TMEM132E: variants seen among roughly 807,000 people sequenced by gnomAD.
TMEM132E encodes the protein transmembrane protein 132E.
Under a neutral mutation model 78.5 loss-of-function variants are expected in TMEM132E, and 49 were observed. The observed-to-expected ratio is 0.62, with a 90% CI of 0.50 to 0.79. TMEM132E has a LOEUF of 0.79. Ranked by LOEUF, TMEM132E falls within the 30% of genes least tolerant of loss-of-function variation. The probability of loss-of-function intolerance (pLI) is 0.00; values close to 1 mark genes in which losing one functional copy is unlikely to be tolerated. For synonymous variants in TMEM132E, 715 were observed against 670.6 expected (o/e 1.07, Z -1.02); for missense variants, 1,403 against 1,470.9 (o/e 0.95, Z 0.75).
At chr17:34,623,787 C>T (rs867550599) in intron 1 of TMEM132E, among the ~76,000 whole-genome samples, 33 of 152,330 alleles carry the variant, frequency 2.2e-4, no homozygotes, top group Middle Eastern at 3.4e-3. Flanking sequence ...GCTTCCAAAG[C>T]AGGGTCCAAA....
chr17:34,612,973 G>C (rs1198387214), intron 1 of TMEM132E, among the ~76,000 whole-genome samples: 1 of 151,926 alleles, frequency 6.6e-6, no homozygotes, highest in Non-Finnish European at 1.5e-5. Flanking sequence ...AAATGTTAGG[G>C]GGACCCCATG....
In TMEM132E at chr17:34,637,859, C is replaced by A; in HGVS notation, c.2852C>A (p.Ser951Ter). 1 of 1,609,228 alleles carries A rather than the reference C, an allele frequency of 6.2e-7. No homozygotes were observed. Among genetic ancestry groups the A allele is most frequent in the Non-Finnish European group, 8.5e-7 (1 of 1,178,574 alleles). The change falls in exon 9 of 9, where the codon TCG becomes TAG. Residue 951 changes from serine (S) to a stop codon, truncating the protein, a stop_gained. Transcript: ENST00000631683. LOFTEE classifies it high-confidence loss of function. ...GQPLRVQGELSPPAGNPLETV... is the reference protein window; with the variant it reads ...GQPLRVQGEL ...CCGCTGCGGGTGCAAGGAGAGCTGT[C>A]GCCGCCAGCAGGCAACCCGCTGGAA...
chr17:34,634,803 G>A lies in TMEM132E; in HGVS notation c.1693G>A (p.Val565Ile). The part of the protein sequence containing the change: ...RVPILPDRRS[V>I]RESEDEDEEE... ...CATGGCATGTCCCCACCCCAGGTCA[G>A]TCCGGGAAAGCGAGGATGAGGATGA... is the stretch of plus-strand genomic sequence containing the variant. Residue 565 changes from valine to isoleucine, a missense_variant, in exon 7 of 9, where the codon GTC becomes ATC. Around this residue, in one of 3 missense-constraint regions of TMEM132E, gnomAD observed 888 missense variants for 952.8 expected, o/e 0.93. Coordinates refer to ENST00000631683, the MANE Select transcript of TMEM132E (RefSeq NM_001304438.2). 6.2e-7 allele frequency: 1 copy of A among 1,612,356 alleles called. No homozygotes were observed. Among genetic ancestry groups the A allele is most frequent in the Middle Eastern group, 1.7e-4 (1 of 6,050 alleles).
At chr17:34,613,209 A>ACGCGCGCGCG (rs1383529235) in intron 1 of TMEM132E, among the ~76,000 whole-genome samples, 195 of 63,596 alleles carry the variant, frequency 3.1e-3, no homozygotes, top group East Asian at 0.023. Context: ...ACACACACAC[A>ACGCGCGCGCG]CACGCGCGCG....
At chr17:34,598,904 C>T (rs1390726623) in intron 1 of TMEM132E, among the ~76,000 whole-genome samples, 1 of 151,988 alleles carries the variant, frequency 6.6e-6, no homozygotes, top group East Asian at 1.9e-4. Flanking sequence ...AGATGCTGAG[C>T]GATCCAGTCC....
chr17:34,623,947 A>G (rs1157703057), intron 1 of TMEM132E, among the ~76,000 whole-genome samples: 1 of 151,452 alleles, frequency 6.6e-6, no homozygotes, highest in Non-Finnish European at 1.5e-5. Context: ...GCACACCCCC[A>G]CCCCACCATC....
chr17:34,637,684 G>A lies in TMEM132E; in HGVS notation c.2677G>A (p.Ala893Thr), dbSNP rs1033771204. Residue 893 changes from alanine to threonine, a missense_variant, in exon 9 of 9, where the codon GCG becomes ACG. Physicochemically the swap from Ala to Thr is moderately conservative, Grantham distance 58. Coordinates refer to ENST00000631683, the MANE Select transcript of TMEM132E (RefSeq NM_001304438.2). ...GACAGACCTGGAGATCGGCATGTACGCGCTGCTGGGCGTCTTCTGCCTCGC... is the reference window on the plus strand; with the variant it reads ...GACAGACCTGGAGATCGGCATGTACACGCTGCTGGGCGTCTTCTGCCTCGC... ...GLTDLEIGMY[A>T]LLGVFCLAIL... is the part of the protein sequence containing the mutation. 1 of 1,611,036 alleles carries A rather than the reference G, an allele frequency of 6.2e-7. No homozygotes were observed. Among genetic ancestry groups the A allele is most frequent in the African/African-American group, 1.3e-5 (1 of 74,930 alleles).
At chr17:34,607,799 A>G (rs1030636957) in intron 1 of TMEM132E, among the ~76,000 whole-genome samples, 1 of 152,066 alleles carries the variant, frequency 6.6e-6, no homozygotes, top group African/African-American at 2.4e-5. Flanking sequence ...GGATACAATG[A>G]ATCATCAGAT....
intron 1 of TMEM132E, among the ~76,000 whole-genome samples, 194 bp downstream of exon 1, chr17:34,581,337 C>T (rs1035171917): frequency 6.0e-5 from 9 of 150,646 alleles, no homozygotes; most frequent in Admixed American, 2.0e-4. Context: ...GGGACCGAGC[C>T]CGGCGCCAGA....
At chr17:34,634,735 GGT>G in intron 6 of TMEM132E, 62 bp from the exon 7 acceptor site, 1 of 1,527,404 alleles carries the variant, frequency 6.5e-7, no homozygotes, top group Non-Finnish European at 8.8e-7. Flanking sequence ...AAGGGTGCGG[GGT>G]GTGTACTGTG....
chr17:34,581,675 C>CGCGG (rs1905488322), intron 1 of TMEM132E, among the ~76,000 whole-genome samples: 1 of 151,920 alleles, frequency 6.6e-6, no homozygotes, highest in South Asian at 2.1e-4. Flanking sequence ...CTCGCACGCC[C>CGCGG]GCGGTCCTGT....
At chr17:34,636,296 G>C (rs1907521069) in intron 8 of TMEM132E, 98 bp downstream of exon 8, 2 of 1,203,108 alleles carry the variant, frequency 1.7e-6, no homozygotes, top group Non-Finnish European at 2.2e-6. Context: ...CCCATATTAG[G>C]GCTTTAGGAA....
intron 8 of TMEM132E, 150 bp from the exon 9 acceptor site, chr17:34,637,027 C>G (rs576448357): frequency 5.7e-6 from 4 of 697,606 alleles, no homozygotes; most frequent in Non-Finnish European, 7.2e-6. Flanking sequence ...CCTGAATGCC[C>G]GCCACAGGTC....
intron 1 of TMEM132E, among the ~76,000 whole-genome samples, chr17:34,583,273 G>C (rs922433592): frequency 3.3e-5 from 5 of 152,220 alleles, no homozygotes; most frequent in Non-Finnish European, 7.3e-5. Context: ...CCTACTGAGC[G>C]GACATTTCCC....
At chr17:34,629,874 G>A in intron 4 of TMEM132E, 134 bp from the exon 5 acceptor site, 1 of 1,038,078 alleles carries the variant, frequency 9.6e-7, no homozygotes, top group South Asian at 1.8e-5. Flanking sequence ...CCTGCACACG[G>A]GTGCAAGTGT....
chr17:34,601,829 C>T (rs921257130), intron 1 of TMEM132E, among the ~76,000 whole-genome samples: 1 of 152,174 alleles, frequency 6.6e-6, no homozygotes, highest in Non-Finnish European at 1.5e-5. Context: ...ACCTTGTGAC[C>T]CCTCTCATTG....
At chr17:34,612,819 G>T (rs1906634458) in intron 1 of TMEM132E, among the ~76,000 whole-genome samples, 1 of 151,638 alleles carries the variant, frequency 6.6e-6, no homozygotes, top group South Asian at 2.1e-4. Context: ...TCAGCTGTGT[G>T]TTTTGGGGAA....
intron 1 of TMEM132E, among the ~76,000 whole-genome samples, chr17:34,582,851 G>A (rs1186580233): frequency 6.6e-6 from 1 of 152,134 alleles, no homozygotes. Context: ...TCTTGCTGTC[G>A]GAGTTCCCTT....
At chr17:34,608,034 C>G (rs186430333) in intron 1 of TMEM132E, among the ~76,000 whole-genome samples, 1 of 152,336 alleles carries the variant, frequency 6.6e-6, no homozygotes, top group East Asian at 1.9e-4. Flanking sequence ...CAGCTCTTGT[C>G]CCCTCCTTGG....
Sources: allele counts gnomAD v4.1 joint callset (sites outside exome capture counted in the v4.1 genomes callset), GRCh38; gene constraint gnomAD v4.1.1; regional missense constraint gnomAD v4.1.1; transcripts MANE v1.5; gene names NCBI Gene and HGNC (gene_info 2026-07-23, HGNC 2026-07-21).